UBR2: variants seen among roughly 807,000 people sequenced by gnomAD.
UBR2 encodes ubiquitin protein ligase E3 component n-recognin 2.
UBR2 carries 92 observed loss-of-function variants against 247.9 expected under a neutral mutation model. That is an observed-to-expected ratio of 0.37 (90% CI 0.31 to 0.44). UBR2 has a LOEUF of 0.44. UBR2 is among the 20% of genes least tolerant of loss of function. The pLI is 1.00. For missense variants in UBR2, 1,613 were observed against 2,112.6 expected, an observed-to-expected ratio of 0.76 and a Z score of 4.64; for synonymous variants, 672 against 693.5, an observed-to-expected ratio of 0.97 and a Z score of 0.49.
At chr6:42,586,245 C>T (rs1428125188) in intron 2 of UBR2, among the ~76,000 whole-genome samples, 1 of 151,680 alleles carries the variant, frequency 6.6e-6, no homozygotes, top group African/African-American at 2.4e-5. Context: ...TAGTGGAGCA[C>T]ACCTGTAGTC....
intron 11 of UBR2, among the ~76,000 whole-genome samples, chr6:42,626,535 G>T (rs1192766174): frequency 6.6e-6 from 1 of 152,108 alleles, no homozygotes; most frequent in Admixed American, 6.6e-5. Flanking sequence ...GGCATATTTT[G>T]GGGTGGCATA....
chr6:42,677,537 G>A lies in UBR2; in HGVS notation c.4478+664G>A, dbSNP rs540326364. ...TCACCCCTATAATCCCAGCACTTTG[G>A]GAGAATGAGGCTGGCAGATTGCTTG... On this transcript the variant is annotated intron_variant, in intron 40 of 46. Transcript: ENST00000372901. Among the ~76,000 whole-genome samples, 3 of 152,302 alleles carry A rather than the reference G, an allele frequency of 2.0e-5. No individual in the cohort carries two copies. The South Asian group carries it at 6.2e-4, about 32-fold the overall frequency.
chr6:42,621,532 G>A (rs12526153), intron 11 of UBR2, among the ~76,000 whole-genome samples: 1,971 of 151,128 alleles, frequency 0.013, 27 homozygotes, highest in Admixed American at 0.021. Context: ...GTGTGATCTC[G>A]GCTCACTGCA....
intron 44 of UBR2, among the ~76,000 whole-genome samples, chr6:42,687,604 G>A (rs1304818175): frequency 6.6e-6 from 1 of 152,070 alleles, no homozygotes; most frequent in Admixed American, 6.6e-5. Context: ...GCAGTGGTGT[G>A]ATCTTGGCTC....
At chr6:42,567,598 G>A (rs1790859899) in intron 1 of UBR2, among the ~76,000 whole-genome samples, 1 of 152,144 alleles carries the variant, frequency 6.6e-6, no homozygotes, top group Admixed American at 6.6e-5. Context: ...GCATGGTGGT[G>A]CACCCCTGTA....
At chr6:42,605,488 C>T (rs934209886) in intron 5 of UBR2, among the ~76,000 whole-genome samples, 3 of 152,140 alleles carry the variant, frequency 2.0e-5, no homozygotes, top group African/African-American at 4.8e-5. Flanking sequence ...CCTGTTATAC[C>T]CTGCTCTACC....
At chr6:42,673,206 A>C (rs1798542698) in intron 36 of UBR2, among the ~76,000 whole-genome samples, 1 of 152,164 alleles carries the variant, frequency 6.6e-6, no homozygotes, top group Non-Finnish European at 1.5e-5. Flanking sequence ...GATACTCTAC[A>C]TTTTACGGAA....
chr6:42,645,571 TAA>T lies in UBR2; in HGVS notation c.2392_2393del (p.Lys798ValfsTer4). On this transcript the variant is annotated frameshift_variant, in exon 21 of 47. Coordinates refer to ENST00000372901, the MANE Select transcript of UBR2 (RefSeq NM_001363705.2). LOFTEE classifies it high-confidence loss of function. ...AAGCCTATGGCTCATAGTGAATTGG[TAA>T]AGTCTTTACCTGAAGATGTAAGTAC... The T allele has an allele frequency of 6.2e-7, 1 of 1,613,170 alleles. No individual in the cohort carries two copies.
chr6:42,609,613 A>T (rs1409493141), intron 7 of UBR2, among the ~76,000 whole-genome samples: 2 of 152,120 alleles, frequency 1.3e-5, no homozygotes, highest in East Asian at 3.8e-4. Flanking sequence ...GGCCAAGCAC[A>T]TCGGCTCACT....
chr6:42,676,326 A>G (rs1798721225), intron 39 of UBR2, 135 bp downstream of exon 39: 12 of 934,302 alleles, frequency 1.3e-5, no homozygotes, highest in Non-Finnish European at 1.8e-5. Context: ...GTATCTTCAT[A>G]TGAAAAGTTT....
chr6:42,677,105 A>G (rs1448974371), intron 40 of UBR2, among the ~76,000 whole-genome samples: 1 of 152,216 alleles, frequency 6.6e-6, no homozygotes, highest in Non-Finnish European at 1.5e-5. Flanking sequence ...TTGGCTGTGG[A>G]ACCCTTCATT....
At chr6:42,676,957 AG>A in intron 40 of UBR2, 84 bp downstream of exon 40, 1 of 1,158,184 alleles carries the variant, frequency 8.6e-7, no homozygotes, top group Non-Finnish European at 1.3e-6. Flanking sequence ...TTTGTTAATT[AG>A]GGGAATTTGT....
At position 42,689,597 on chromosome 6, in the gene UBR2, G is replaced by T. The variant is rs948137431; in HGVS notation, c.5053G>T (p.Ala1685Ser). Reference protein sequence around the residue: ...RVRECQVLFLAGKTKGCFYSP... With the variant: ...RVRECQVLFLSGKTKGCFYSP... ...ACGGGAATGTCAGGTGCTATTTTTA[G>T]CTGGCAAAACCAAAGGCTGTTTTTA... is the stretch of plus-strand genomic sequence containing the variant. Residue 1685 changes from alanine (A) to serine (S), a missense_variant, in exon 46 of 47, where the codon GCT becomes TCT. This residue lies in a region of UBR2 where 80 missense variants were observed against 108.6 expected (regional missense o/e 0.74). Transcript: ENST00000372901. This position sits in a 1 kb window ranked among gnomAD's most constrained non-coding sequence, Gnocchi z 4.0. 4.3e-6 allele frequency: 7 copies of T among 1,614,002 alleles called. No individual in the cohort carries two copies. The highest frequency in any genetic ancestry group is 3.3e-5 in the Admixed American group (2 of 60,002).
chr6:42,579,805 G>C (rs1157784147), intron 2 of UBR2, among the ~76,000 whole-genome samples: 1 of 152,162 alleles, frequency 6.6e-6, no homozygotes. Flanking sequence ...ACTGCACCTG[G>C]CTGGCATGTG....
chr6:42,601,193 A>G (rs1413728817), intron 4 of UBR2, among the ~76,000 whole-genome samples: 1 of 152,160 alleles, frequency 6.6e-6, no homozygotes, highest in East Asian at 1.9e-4. Flanking sequence ...TGGTGAGATA[A>G]TAGTACCAGG....
chr6:42,685,203 C>T (rs1429633549), intron 44 of UBR2, among the ~76,000 whole-genome samples: 7 of 151,908 alleles, frequency 4.6e-5, no homozygotes, highest in African/African-American at 9.7e-5. Context: ...CGCAGCTACT[C>T]GGGAGGCTGA....
Position 42,688,256 on chromosome 6 carries a change from C to G in UBR2, c.4894C>G (p.Leu1632Val). 6.2e-7 allele frequency: 1 copy of G among 1,614,186 alleles called. No individual in the cohort carries two copies. Among genetic ancestry groups the G allele is most frequent in the Non-Finnish European group, 8.5e-7 (1 of 1,180,048 alleles). Residue 1632 changes from leucine to valine, a missense_variant, in exon 45 of 47, where the codon CTG (leucine) becomes GTG (valine). By Grantham distance (32) the Leu-to-Val change is conservative (BLOSUM62 1). Coordinates refer to ENST00000372901, the MANE Select transcript of UBR2 (RefSeq NM_001363705.2). ...TGGTGATAAGAGCAGAGCCCCAACT[C>G]TGTGCCTTGTGTGCGGATCTCTGCT... is the stretch of plus-strand genomic sequence containing the variant. ...SGGDKSRAPTLCLVCGSLLCS... is the reference protein window; with the variant it reads ...SGGDKSRAPTVCLVCGSLLCS...
chr6:42,631,271 A>T (rs1298201397), intron 11 of UBR2, among the ~76,000 whole-genome samples: 2 of 152,188 alleles, frequency 1.3e-5, no homozygotes, highest in Non-Finnish European at 2.9e-5. Context: ...CTTTTGTATC[A>T]GAGTGCAAAA....
rs185171605 is a variant in UBR2, at chr6:42,604,634, G to T, written c.662+916G>T. Among the ~76,000 whole-genome samples the T allele has an allele frequency of 5.9e-5, 9 of 152,130 alleles. No homozygotes were observed. In the East Asian group the frequency reaches 1.7e-3, roughly 29 times the overall value. On this transcript the variant is annotated intron_variant, in intron 5 of 46. Transcript: ENST00000372901. Reference sequence around the variant, plus strand: ...GGACTGCCGTGTACACTCTTGCCCCGTACAATTCATTCTCTACACTGCATC... The same window carrying T: ...GGACTGCCGTGTACACTCTTGCCCCTTACAATTCATTCTCTACACTGCATC...
Sources: gnomAD v4.1 joint callset for allele counts (sites outside exome capture counted in the v4.1 genomes callset) on GRCh38, gnomAD v4.1.1 for gene constraint, gnomAD v4.1.1 regional missense constraint, Gnocchi (gnomAD v3.1) non-coding constraint, MANE v1.5 for transcripts, NCBI Gene and HGNC (gene_info 2026-07-23, HGNC 2026-07-21) for gene names.